The following GRIN2A variants were observed in gnomAD, a reference collection of about 807,000 sequenced individuals.
GRIN2A encodes the protein glutamate receptor ionotropic, NMDA 2A.
GRIN2A carries 22 observed loss-of-function variants against 113.4 expected under a neutral mutation model. The ratio of observed to expected loss-of-function variants is 0.19; its 90% CI spans 0.14 to 0.28. The LOEUF (loss-of-function observed/expected upper bound fraction) is 0.28, where lower values mean the gene tolerates loss of function less well. Among genes scored for constraint, GRIN2A ranks in the 10% least tolerant of loss-of-function variants. The probability of loss-of-function intolerance (pLI) is 1.00; values close to 1 mark genes in which losing one functional copy is unlikely to be tolerated. For missense variants in GRIN2A, 1,502 were observed against 1,887.0 expected (o/e 0.80, Z 3.78); for synonymous variants, 827 against 738.4 (o/e 1.12, Z -1.94).
At chr16:10,052,665 G>T (rs1479671299) in intron 2 of GRIN2A, among the ~76,000 whole-genome samples, 1 of 152,186 alleles carries the variant, frequency 6.6e-6, no homozygotes, top group East Asian at 1.9e-4. Context: ...GAAAAGATCT[G>T]TTGAGGCAGG....
chr16:10,123,918 A>C (rs1187358405), intron 2 of GRIN2A, among the ~76,000 whole-genome samples: 2 of 152,218 alleles, frequency 1.3e-5, no homozygotes, highest in East Asian at 3.8e-4. Context: ...AGAAAGCTAT[A>C]TGTATAAATC....
At chr16:9,919,687 A>T (rs2044321981) in intron 3 of GRIN2A, among the ~76,000 whole-genome samples, 1 of 152,028 alleles carries the variant, frequency 6.6e-6, no homozygotes, top group Non-Finnish European at 1.5e-5. Context: ...CCCCGCTAAA[A>T]CTCTCCAAAG....
intron 2 of GRIN2A, among the ~76,000 whole-genome samples, chr16:9,983,788 C>T (rs1159414429): frequency 6.6e-6 from 1 of 152,182 alleles, no homozygotes; most frequent in Non-Finnish European, 1.5e-5. Context: ...TGTATACATA[C>T]CACATTTTCT....
At chr16:10,025,422 C>A (rs2046802275) in intron 2 of GRIN2A, among the ~76,000 whole-genome samples, 1 of 151,074 alleles carries the variant, frequency 6.6e-6, no homozygotes, top group Non-Finnish European at 1.5e-5. Context: ...CTGCCTCAGC[C>A]TTCCAAGTAG....
At chr16:10,090,863 G>A (rs1436171135) in intron 2 of GRIN2A, among the ~76,000 whole-genome samples, 2 of 152,034 alleles carry the variant, frequency 1.3e-5, no homozygotes, top group Non-Finnish European at 1.5e-5. Flanking sequence ...TCAAAAATAA[G>A]ATGAGCTAAA....
At chr16:9,782,841 C>G (rs1393041611) in intron 11 of GRIN2A, among the ~76,000 whole-genome samples, 1 of 152,170 alleles carries the variant, frequency 6.6e-6, no homozygotes, top group Non-Finnish European at 1.5e-5. Context: ...TTAATAAGTA[C>G]TGTTCCATTA....
At chr16:9,995,458 T>TTGG (rs1012492736) in intron 2 of GRIN2A, among the ~76,000 whole-genome samples, 6 of 152,148 alleles carry the variant, frequency 3.9e-5, no homozygotes, top group African/African-American at 1.4e-4. Context: ...GTTGTTGTCG[T>TTGG]TGGTGGTGGT....
chr16:10,118,076 G>T (rs2048762499), intron 2 of GRIN2A, among the ~76,000 whole-genome samples: 1 of 152,178 alleles, frequency 6.6e-6, no homozygotes, highest in Non-Finnish European at 1.5e-5. Flanking sequence ...AGGTGGCCAA[G>T]TTGAAGGATG....
chr16:9,859,954 C>T (rs975186063), intron 4 of GRIN2A, among the ~76,000 whole-genome samples: 1 of 151,878 alleles, frequency 6.6e-6, no homozygotes, highest in Non-Finnish European at 1.5e-5. Flanking sequence ...ATACTGGAAG[C>T]CCTGGGGCTA....
At chr16:9,882,878 C>A (rs546034484) in intron 4 of GRIN2A, among the ~76,000 whole-genome samples, 153 of 152,296 alleles carry the variant, frequency 1.0e-3, no homozygotes, top group African/African-American at 3.5e-3. Context: ...TCAATTGCAT[C>A]CAGTGAGAGG....
intron 3 of GRIN2A, among the ~76,000 whole-genome samples, chr16:9,927,133 C>G (rs1483887060): frequency 6.6e-6 from 1 of 152,180 alleles, no homozygotes; most frequent in Non-Finnish European, 1.5e-5. Context: ...TGCTGGTACT[C>G]TAGCATTCAT....
intron 11 of GRIN2A, among the ~76,000 whole-genome samples, chr16:9,772,107 G>C (rs1266503981): frequency 6.6e-6 from 1 of 152,148 alleles, no homozygotes; most frequent in Non-Finnish European, 1.5e-5. Context: ...TCAATCGGTT[G>C]TGTAGGTAAA....
intron 2 of GRIN2A, among the ~76,000 whole-genome samples, chr16:10,118,918 T>C (rs1398850777): frequency 6.6e-6 from 1 of 152,192 alleles, no homozygotes; most frequent in Admixed American, 6.5e-5. Context: ...AGGCCAGGAC[T>C]CTTAAGAAAG....
chr16:9,983,908 T>G (rs2045935709), intron 2 of GRIN2A, among the ~76,000 whole-genome samples: 2 of 152,200 alleles, frequency 1.3e-5, no homozygotes, highest in Non-Finnish European at 2.9e-5. Context: ...TTTCCTTTCC[T>G]TTGAATATTT....
rs574800483 is a variant in GRIN2A at position 9,992,116 on chromosome 16, C to T, written c.415-53565G>A. On this transcript the variant is annotated intron_variant, in intron 2 of 12. Transcript: ENST00000330684. Reference sequence around the variant, plus strand: ...ACGTCAAGTTCCCTCCATGTTGCTTCGAAAGACATGATGTAATTACCTTTT... The same window carrying T: ...ACGTCAAGTTCCCTCCATGTTGCTTTGAAAGACATGATGTAATTACCTTTT... Among the ~76,000 whole-genome samples the T allele has an allele frequency of 4.5e-4, 69 of 152,222 alleles. No homozygotes were observed. In the South Asian group the frequency reaches 4.8e-3, roughly 11 times the overall value.
At chr16:9,863,332 G>C (rs1380099862) in intron 4 of GRIN2A, among the ~76,000 whole-genome samples, 6 of 152,170 alleles carry the variant, frequency 3.9e-5, no homozygotes, top group Non-Finnish European at 5.9e-5. Context: ...TTTGGGAAGG[G>C]GCAACATTTT....
intron 2 of GRIN2A, among the ~76,000 whole-genome samples, chr16:10,170,152 G>A (rs1175478287): frequency 1.3e-5 from 2 of 152,156 alleles, no homozygotes; most frequent in Non-Finnish European, 1.5e-5. Context: ...ATGCTGTACT[G>A]GTGAAACAAA....
At chr16:10,134,033 A>T (rs1211542803) in intron 2 of GRIN2A, among the ~76,000 whole-genome samples, 1 of 151,952 alleles carries the variant, frequency 6.6e-6, no homozygotes, top group Non-Finnish European at 1.5e-5. Flanking sequence ...AGAAAAAAAA[A>T]ATACAAAAAC....
intron 2 of GRIN2A, among the ~76,000 whole-genome samples, chr16:9,948,645 T>C (rs778090183): frequency 6.6e-6 from 1 of 152,174 alleles, no homozygotes; most frequent in African/African-American, 2.4e-5. Context: ...TCAGTCCCCA[T>C]CGTCTTATCC....
Sources: gnomAD v4.1 joint callset for allele counts (sites outside exome capture counted in the v4.1 genomes callset) on GRCh38, gnomAD v4.1.1 for gene constraint, MANE v1.5 for transcripts, NCBI Gene and HGNC (gene_info 2026-07-23, HGNC 2026-07-21) for gene names.